MTHFD1L: variants seen among roughly 807,000 people sequenced by gnomAD.
The protein encoded by MTHFD1L is methylenetetrahydrofolate dehydrogenase (NADP+ dependent) 1 like, also known as monofunctional C1-tetrahydrofolate synthase, mitochondrial.
Under a neutral mutation model 119.5 loss-of-function variants are expected in MTHFD1L, and 81 were observed. The ratio of observed to expected loss-of-function variants is 0.68; its 90% confidence interval spans 0.57 to 0.82. MTHFD1L has a LOEUF of 0.82. Ranked by LOEUF, MTHFD1L falls within the 40% of genes least tolerant of loss-of-function variation. The pLI is 0.00. For synonymous variants in MTHFD1L, 430 were observed against 475.2 expected (o/e 0.90, Z 1.24); for missense variants, 1,125 against 1,253.4 (o/e 0.90, Z 1.55).
intron 27 of MTHFD1L, among the ~76,000 whole-genome samples, chr6:151,095,755 C>T (rs3915517): frequency 0.044 from 6,645 of 152,324 alleles, 458 homozygotes; most frequent in African/African-American, 0.15. Context: ...CACAAGGCTT[C>T]AAGAGGACGG....
intron 8 of MTHFD1L, among the ~76,000 whole-genome samples, chr6:150,910,485 C>T (rs147314083): frequency 8.0e-4 from 121 of 151,502 alleles, no homozygotes; most frequent in African/African-American, 2.8e-3. Flanking sequence ...ATCGCTTGAA[C>T]CCAGGAGGTG....
At chr6:150,871,636 A>G (rs1779532738) in intron 1 of MTHFD1L, among the ~76,000 whole-genome samples, 1 of 146,708 alleles carries the variant, frequency 6.8e-6, no homozygotes, top group Admixed American at 6.9e-5. Context: ...TGAGTAGCTG[A>G]GACTACAGGC....
intron 18 of MTHFD1L, among the ~76,000 whole-genome samples, chr6:150,964,754 T>C (rs963776222): frequency 2.6e-5 from 4 of 152,214 alleles, no homozygotes; most frequent in African/African-American, 4.8e-5. Context: ...TTCAAAATGC[T>C]ATTACCCCAT....
chr6:150,877,153 A>C (rs2128743954), intron 2 of MTHFD1L, among the ~76,000 whole-genome samples: 1 of 152,208 alleles, frequency 6.6e-6, no homozygotes, highest in Non-Finnish European at 1.5e-5. Context: ...TCTGGGCTCA[A>C]GTGATCCTCC....
At chr6:151,023,278 C>T (rs1438755185) in intron 24 of MTHFD1L, among the ~76,000 whole-genome samples, 2 of 152,202 alleles carry the variant, frequency 1.3e-5, no homozygotes, top group Non-Finnish European at 2.9e-5. Context: ...AACTCCTGAC[C>T]TCAAGTGATC....
rs780140904 is a variant in MTHFD1L, at chr6:150,882,821, G to C, written c.477G>C (p.Gln159His). The C allele has an allele frequency of 1.4e-5, 22 of 1,579,068 alleles. No homozygotes were observed. Among genetic ancestry groups the C allele is most frequent in the South Asian group, 9.6e-5 (8 of 82,902 alleles). The change falls in exon 5 of 28, where the codon CAG becomes CAC. Residue 159 changes from glutamine (Q) to histidine (H), a missense_variant. By Grantham distance (24) the Gln-to-His change is conservative. Around this residue, in one of 3 missense-constraint regions of MTHFD1L, gnomAD observed 1,058 missense variants for 1,151.2 expected, o/e 0.92. Coordinates refer to ENST00000367321, the MANE Select transcript of MTHFD1L (RefSeq NM_015440.5). Reference protein sequence around the residue: ...EDTRVHGLALQISENLFSNKV... With the variant: ...EDTRVHGLALHISENLFSNKV... ...CCAGAGTACATGGCCTTGCCCTTCA[G>C]ATCTCTGAGAACTTGTTTAGCAACA...
intron 24 of MTHFD1L, among the ~76,000 whole-genome samples, chr6:151,032,266 G>T (rs536288406): frequency 1.3e-5 from 2 of 152,318 alleles, no homozygotes; most frequent in African/African-American, 4.8e-5. Flanking sequence ...TGCAAGCATG[G>T]CACCAACATC....
At chr6:150,934,479 GC>G (rs1249506611) in intron 11 of MTHFD1L, among the ~76,000 whole-genome samples, 1 of 152,200 alleles carries the variant, frequency 6.6e-6, no homozygotes, top group African/African-American at 2.4e-5. Flanking sequence ...ATTCAGATCA[GC>G]TGGAAGCTCG....
intron 8 of MTHFD1L, among the ~76,000 whole-genome samples, chr6:150,915,942 TGA>T (rs1787783880): frequency 2.0e-5 from 3 of 152,302 alleles, no homozygotes; most frequent in South Asian, 4.1e-4. Context: ...GATAGAGGAT[TGA>T]GAGAGGCCCG....
At chr6:151,041,425 C>G (rs1363665783) in intron 26 of MTHFD1L, among the ~76,000 whole-genome samples, 1 of 152,134 alleles carries the variant, frequency 6.6e-6, no homozygotes, top group Non-Finnish European at 1.5e-5. Context: ...GGGACTGGCT[C>G]CTGCAGGTGG....
intron 12 of MTHFD1L, 150 bp downstream of exon 12, chr6:150,937,090 A>T (rs941556646): frequency 1.0e-6 from 1 of 987,936 alleles, no homozygotes; most frequent in Non-Finnish European, 1.4e-6. Flanking sequence ...TGGTCGCCCC[A>T]TGTTGGTTCC....
In MTHFD1L at chr6:150,885,845, G is replaced by A; in HGVS notation, c.643+111G>A. 3 of 745,892 alleles carry A rather than the reference G, an allele frequency of 4.0e-6. No individual in the cohort carries two copies. In the South Asian group the frequency reaches 6.0e-5, roughly 15 times the overall value. 46.2% of individuals were successfully genotyped at this position (745,892 alleles called of 1,614,324 possible). Reference sequence around the variant, plus strand: ...AAAAATTTTTTTAAATTATTATTCTGATATCCTTTTAGGATGTTTCTAGAA... The same window carrying A: ...AAAAATTTTTTTAAATTATTATTCTAATATCCTTTTAGGATGTTTCTAGAA... On this transcript the variant is annotated intron_variant, in intron 6 of 27. Transcript: ENST00000367321.
Position 150,871,886 on chromosome 6 carries a change from A to ATTTTTTTTTTTTTTTTTTTTTT in MTHFD1L, c.228-4200_228-4199insTTTTTTTTTTTTTTTTTTTTTT, listed in dbSNP as rs985548250. Among the ~76,000 whole-genome samples, 9 of 147,530 alleles carry ATTTTTTTTTTTTTTTTTTTTTT rather than the reference A, an allele frequency of 6.1e-5. 1 individual carries two copies. The highest frequency in any genetic ancestry group is 2.3e-4 in the African/African-American group (9 of 39,732). On this transcript the variant is annotated intron_variant, in intron 1 of 27. Transcript: ENST00000367321. ...TTTTATTTTAATTTAATTTTATTTTATTTTATTTTTTGAGACAGTCTCACT... is the reference window on the plus strand; with the variant it reads ...TTTTATTTTAATTTAATTTTATTTTATTTTTTTTTTTTTTTTTTTTTTTTTTATTTTTTGAGACAGTCTCACT...
At chr6:151,065,016 C>A (rs1329520871) in intron 26 of MTHFD1L, among the ~76,000 whole-genome samples, 1 of 152,138 alleles carries the variant, frequency 6.6e-6, no homozygotes, top group Non-Finnish European at 1.5e-5. Context: ...GTTGGCCAGA[C>A]TGGTCTCGAA....
rs191179926 is a variant in MTHFD1L, at chr6:150,948,639, T to A, written c.1624-392T>A. On this transcript the variant is annotated intron_variant, in intron 15 of 27. Transcript: ENST00000367321. Reference sequence around the variant, plus strand: ...GCACCTGGCCCAGTTTAGTGTTTTTTTTGTTTTGTTTTGTTTTTGAGATGG... The same window carrying A: ...GCACCTGGCCCAGTTTAGTGTTTTTATTGTTTTGTTTTGTTTTTGAGATGG... Among the ~76,000 whole-genome samples the A allele has an allele frequency of 4.3e-3, 578 of 134,948 alleles. 4 individuals carry two copies. The highest frequency in any genetic ancestry group is 0.014 in the African/African-American group (555 of 40,446). The allele number at this position is 134,948 out of a possible 152,430, so 88.5% of individuals were successfully genotyped here. A position where few individuals can be genotyped will look rare whatever the true frequency, so the allele number is the denominator to read the frequency against.
In MTHFD1L at chr6:151,037,122, G is replaced by T; in HGVS notation, c.2847+5G>T. The T allele has an allele frequency of 1.2e-6, 2 of 1,611,888 alleles. No individual in the cohort carries two copies. Among genetic ancestry groups the T allele is most frequent in the South Asian group, 2.2e-5 (2 of 90,990 alleles). ...ATTTACCCTTTGGTCGGAACGGTGA[G>T]TGAGTCACATTTTCCAAAAACCCTC... is the stretch of plus-strand genomic sequence containing the variant. On this transcript the variant is annotated splice_donor_5th_base_variant and intron_variant, in intron 26 of 27. Coordinates refer to ENST00000367321, the MANE Select transcript of MTHFD1L (RefSeq NM_015440.5).
At chr6:151,043,575 G>T (rs1358681548) in intron 26 of MTHFD1L, among the ~76,000 whole-genome samples, 1 of 152,156 alleles carries the variant, frequency 6.6e-6, no homozygotes, top group Non-Finnish European at 1.5e-5. Context: ...CAGTTGGCCT[G>T]GAGAGGTGTC....
At chr6:151,044,295 C>CT (rs1182412170) in intron 26 of MTHFD1L, among the ~76,000 whole-genome samples, 1,773 of 138,444 alleles carry the variant, frequency 0.013, 26 homozygotes, top group African/African-American at 0.037. Context: ...TGGGTACATT[C>CT]TTTTTTTTTT....
intron 21 of MTHFD1L, among the ~76,000 whole-genome samples, chr6:151,012,019 C>CAAAAAAA (rs1043831602): frequency 5.3e-4 from 31 of 58,788 alleles, no homozygotes; most frequent in Non-Finnish European, 7.7e-4. Context: ...ACAACAACAA[C>CAAAAAAA]AAAAAAAAAA....
Sources: allele counts gnomAD v4.1 joint callset (sites outside exome capture counted in the v4.1 genomes callset), GRCh38; gene constraint gnomAD v4.1.1; regional missense constraint gnomAD v4.1.1; transcripts MANE v1.5; gene names NCBI Gene and HGNC (gene_info 2026-07-23, HGNC 2026-07-21).